The following SEMA3D variants were observed in gnomAD, a reference collection of about 807,000 sequenced individuals.
The protein encoded by SEMA3D is semaphorin 3D, also known as semaphorin-3D.
Under a neutral mutation model 100.1 loss-of-function variants are expected in SEMA3D, and 84 were observed. That is an observed-to-expected ratio of 0.84 (90% CI 0.70 to 1.01). The LOEUF (loss-of-function observed/expected upper bound fraction) is 1.01, where lower values mean the gene tolerates loss of function less well. SEMA3D is among the 50% of genes least tolerant of loss of function. The pLI, the probability that SEMA3D is intolerant of heterozygous loss-of-function variation, is 0.00. For missense variants in SEMA3D, 875 were observed against 934.1 expected (o/e 0.94, Z 0.82); for synonymous variants, 312 against 320.7 (o/e 0.97, Z 0.29).
intron 1 of SEMA3D, among the ~76,000 whole-genome samples, chr7:85,181,160 G>C (rs1241828837): frequency 6.6e-6 from 1 of 152,108 alleles, no homozygotes; most frequent in African/African-American, 2.4e-5. Context: ...GGATCCTCAG[G>C]CTTATCCACT....
chr7:85,200,790 GA>G, the SEMA3D span, among the ~76,000 whole-genome samples: 2 of 152,248 alleles, frequency 1.3e-5, no homozygotes, highest in Admixed American at 1.3e-4. Context: ...AGGCTTGGGG[GA>G]AAAAATGGTT....
the SEMA3D span, among the ~76,000 whole-genome samples, chr7:85,207,098 A>G: frequency 6.6e-6 from 1 of 152,108 alleles, no homozygotes; most frequent in Non-Finnish European, 1.5e-5. Context: ...ACAAGAGAAC[A>G]AATAGTGAAA....
rs5885452 is a variant in SEMA3D at position 85,143,726 on chromosome 7, A to ATT, written c.-41+9880_-41+9881dup. 7.9e-3 allele frequency among the ~76,000 whole-genome samples: 1,163 copies of ATT among 147,074 alleles called. 7 individuals carry two copies. Among genetic ancestry groups the ATT allele is most frequent in the Middle Eastern group, 0.011 (3 of 284 alleles). Reference sequence around the variant, plus strand: ...GTAAAAATATAATATGAGACATGTAATTTTTTTTTTTTTGAGATGGAGTCT... The same window carrying ATT: ...GTAAAAATATAATATGAGACATGTAATTTTTTTTTTTTTTTGAGATGGAGTCT... On this transcript the variant is annotated intron_variant, in intron 2 of 18. Transcript: ENST00000284136.
chr7:85,217,978 ATTAG>A, the SEMA3D span, among the ~76,000 whole-genome samples: 5 of 152,246 alleles, frequency 3.3e-5, no homozygotes, highest in South Asian at 8.3e-4. Context: ...AATAATTGTT[ATTAG>A]TTAAATAATC....
intron 5 of SEMA3D, among the ~76,000 whole-genome samples, chr7:85,079,875 T>C (rs1421999047): frequency 6.6e-6 from 1 of 152,220 alleles, no homozygotes; most frequent in Non-Finnish European, 1.5e-5. Flanking sequence ...TCATTCTCTG[T>C]GAGTGTTCAG....
chr7:85,223,771 AG>A, the SEMA3D span, among the ~76,000 whole-genome samples: 74 of 152,146 alleles, frequency 4.9e-4, no homozygotes, highest in African/African-American at 1.4e-3. Context: ...GGGAGGGGTG[AG>A]GGGGGTGCAG....
chr7:85,239,588 C>A, the SEMA3D span, among the ~76,000 whole-genome samples: 1 of 152,104 alleles, frequency 6.6e-6, no homozygotes, highest in Non-Finnish European at 1.5e-5. Flanking sequence ...CTATGAGCTC[C>A]TAGGTGATGC....
At chr7:85,213,254 A>C in the SEMA3D span, among the ~76,000 whole-genome samples, 1 of 151,986 alleles carries the variant, frequency 6.6e-6, no homozygotes, top group South Asian at 2.1e-4. Flanking sequence ...AGAATTAAAA[A>C]TTGTCTCTAT....
chr7:85,107,027 A>C lies in SEMA3D; in HGVS notation c.152-9062T>G, dbSNP rs1267993265. On this transcript the variant is annotated intron_variant, in intron 3 of 18. Transcript: ENST00000284136. ...ACCATTTGTATTTCCAAGACTTTGA[A>C]TGTGTCTTCTCTTTTTCTTGGAAGC... 4.6e-5 allele frequency among the ~76,000 whole-genome samples: 7 copies of C among 151,946 alleles called. 1 individual carries two copies. The South Asian group carries it at 1.5e-3, about 32-fold the overall frequency.
intron 5 of SEMA3D, among the ~76,000 whole-genome samples, chr7:85,078,673 G>T (rs531195169): frequency 5.3e-5 from 8 of 152,258 alleles, no homozygotes; most frequent in African/African-American, 1.9e-4. Context: ...TCAACAAAGT[G>T]GAATAGTTCC....
chr7:85,061,416 G>T (rs544812516), intron 8 of SEMA3D, among the ~76,000 whole-genome samples: 1 of 152,098 alleles, frequency 6.6e-6, no homozygotes, highest in African/African-American at 2.4e-5. Flanking sequence ...CCTGTATCAA[G>T]AATTTTAAAC....
At chr7:85,090,449 C>A (rs1265735927) in intron 4 of SEMA3D, among the ~76,000 whole-genome samples, 1 of 152,120 alleles carries the variant, frequency 6.6e-6, no homozygotes, top group Non-Finnish European at 1.5e-5. Context: ...TCACATGAAA[C>A]TAAGCAGGGT....
At chr7:85,111,270 C>T (rs1214105826) in intron 3 of SEMA3D, among the ~76,000 whole-genome samples, 1 of 151,982 alleles carries the variant, frequency 6.6e-6, no homozygotes. Flanking sequence ...TTGACATCTC[C>T]GTGAACTTCA....
the SEMA3D span, among the ~76,000 whole-genome samples, chr7:85,237,336 C>T: frequency 0.35 from 52,789 of 151,882 alleles, 10,153 homozygotes; most frequent in East Asian, 0.74. Context: ...CTTGAGGTGG[C>T]GTACATTCTA....
the SEMA3D span, among the ~76,000 whole-genome samples, chr7:85,231,734 G>GC: frequency 6.6e-6 from 1 of 152,152 alleles, no homozygotes; most frequent in Non-Finnish European, 1.5e-5. Flanking sequence ...ATAGGCGTGA[G>GC]CCACTGCGCC....
chr7:85,020,124 T>C, intron 14 of SEMA3D, 109 bp downstream of exon 14: 1 of 698,384 alleles, frequency 1.4e-6, no homozygotes, highest in Non-Finnish European at 2.5e-6. Context: ...AAAGCTAATT[T>C]CAAAGGCTTC....
At chr7:85,234,280 T>TG in the SEMA3D span, among the ~76,000 whole-genome samples, 4 of 152,190 alleles carry the variant, frequency 2.6e-5, no homozygotes, top group Admixed American at 2.6e-4. Flanking sequence ...GGGCAATACT[T>TG]GAAGACTGCG....
chr7:85,127,279 T>C (rs1198403844), intron 2 of SEMA3D, among the ~76,000 whole-genome samples: 1 of 152,182 alleles, frequency 6.6e-6, no homozygotes, highest in East Asian at 1.9e-4. Context: ...TACATTTTTA[T>C]TTTGTAGCGG....
At chr7:85,034,253 A>T in intron 12 of SEMA3D, among the ~76,000 whole-genome samples, 1 of 152,172 alleles carries the variant, frequency 6.6e-6, no homozygotes, top group Admixed American at 6.6e-5. Context: ...AAATATAAGT[A>T]AATGAAATGA....
Sources: gnomAD v4.1 joint callset for allele counts (sites outside exome capture counted in the v4.1 genomes callset) on GRCh38, gnomAD v4.1.1 for gene constraint, MANE v1.5 for transcripts, NCBI Gene and HGNC (gene_info 2026-07-23, HGNC 2026-07-21) for gene names.